ZNF583: variants seen among roughly 807,000 people sequenced by gnomAD.
ZNF583 encodes the protein zinc finger protein L3-5.
Under a neutral mutation model 55.3 loss-of-function variants are expected in ZNF583, and 30 were observed. The observed-to-expected ratio is 0.54, with a 90% CI of 0.41 to 0.74. ZNF583 has a LOEUF of 0.74. Ranked by LOEUF, ZNF583 falls within the 30% of genes least tolerant of loss-of-function variation. The pLI is 0.00. For missense variants in ZNF583, 504 were observed against 664.7 expected, an observed-to-expected ratio of 0.76 and a Z score of 2.66; for synonymous variants, 208 against 220.0, an observed-to-expected ratio of 0.95 and a Z score of 0.48.
chr19:56,417,337 C>CA (rs1446578123), intron 4 of ZNF583, among the ~76,000 whole-genome samples: 2 of 152,112 alleles, frequency 1.3e-5, no homozygotes, highest in Non-Finnish European at 2.9e-5. Context: ...ACATTCTCAC[C>CA]AAATCTTGGT....
intron 2 of ZNF583, among the ~76,000 whole-genome samples, 162 bp downstream of exon 2, chr19:56,407,285 A>G (rs556645274): frequency 6.6e-6 from 1 of 152,314 alleles, no homozygotes; most frequent in East Asian, 1.9e-4. Flanking sequence ...CCAAAAGCCT[A>G]GTTATCTTTT....
chr19:56,414,217 T>C (rs899138339), intron 3 of ZNF583, 128 bp from the exon 4 acceptor site: 9 of 1,508,220 alleles, frequency 6.0e-6, no homozygotes, highest in Admixed American at 5.3e-5. Flanking sequence ...ATTTGTAGAA[T>C]TGGCAGCTTC....
In ZNF583 at chr19:56,424,013, C is replaced by T. The variant is rs1476603526; in HGVS notation, c.1355C>T (p.Ala452Val). The change falls in exon 5 of 5, where the codon GCA (alanine) becomes GTA (valine). Residue 452 changes from alanine (A) to valine (V), a missense_variant. By Grantham distance (64) the Ala-to-Val change is moderately conservative (BLOSUM62 0). Coordinates refer to ENST00000333201, the MANE Select transcript of ZNF583 (RefSeq NM_152478.3). ...GCCTTTAGCAATAGTTCATCACTTG[C>T]ACAACATCAGAGAAGTCATACTGGA... ...GKAFSNSSSL[A>V]QHQRSHTGEK... is the part of the protein sequence containing the mutation. The T allele has an allele frequency of 1.9e-6, 3 of 1,613,986 alleles. No homozygotes were observed. Among genetic ancestry groups the T allele is most frequent in the East Asian group, 4.5e-5 (2 of 44,864 alleles).
Position 56,414,046 on chromosome 19 carries a change from A to G in ZNF583, c.97A>G (p.Lys33Glu). 1.2e-6 allele frequency: 2 copies of G among 1,608,006 alleles called. No individual in the cohort carries two copies. Among genetic ancestry groups the G allele is most frequent in the Non-Finnish European group, 1.7e-6 (2 of 1,177,650 alleles). Residue 33 changes from lysine to glutamate, a missense_variant, in exon 3 of 5, where the codon AAA (lysine) becomes GAA (glutamate). Transcript: ENST00000333201. Reference sequence around the variant, plus strand: ...CCCTGCTCAGAGGAATTTGTACAGGAAAGTGATGTTGGAGAACTACAGGAG... The same window carrying G: ...CCCTGCTCAGAGGAATTTGTACAGGGAAGTGATGTTGGAGAACTACAGGAG... ...LNPAQRNLYR[K>E]VMLENYRSLV...
chr19:56,422,947 G>A lies in ZNF583; in HGVS notation c.289G>A (p.Glu97Lys). The change falls in exon 5 of 5, where the codon GAA becomes AAA. Residue 97 changes from glutamate (E) to lysine (K), a missense_variant. By Grantham distance (56) the Glu-to-Lys change is moderately conservative (BLOSUM62 1). This residue lies in a region of ZNF583 where 204 missense variants were observed against 235.2 expected (regional missense o/e 0.87). Transcript: ENST00000333201. ...EFSSKQETYE[E>K]SSKVVTVGAR... ...TTCATCAAAGCAAGAGACATATGAAGAATCATCCAAAGTTGTGACAGTGGG... is the reference window on the plus strand; with the variant it reads ...TTCATCAAAGCAAGAGACATATGAAAAATCATCCAAAGTTGTGACAGTGGG... The A allele has an allele frequency of 6.2e-7, 1 of 1,613,294 alleles. No individual in the cohort carries two copies. The highest frequency in any genetic ancestry group is 8.5e-7 in the Non-Finnish European group (1 of 1,179,704).
At chr19:56,409,102 C>T (rs1470159503) in intron 2 of ZNF583, among the ~76,000 whole-genome samples, 2 of 152,168 alleles carry the variant, frequency 1.3e-5, no homozygotes, top group East Asian at 1.9e-4. Flanking sequence ...GCCTATCACT[C>T]TTAATCACCC....
Position 56,426,996 on chromosome 19 carries a change from A to G in ZNF583, c.*2628A>G, listed in dbSNP as rs1473981431. The G allele has an allele frequency of 6.6e-6, 1 of 152,122 alleles. No individual in the cohort carries two copies. Among genetic ancestry groups the G allele is most frequent in the African/African-American group, 2.4e-5 (1 of 41,422 alleles). The allele number at this position is 152,122 out of a possible 1,614,324, so 9.4% of individuals were successfully genotyped here. The stretch of plus-strand genomic sequence containing the variant: ...ATGAAATAATTTTGTAAAAGGCAAA[A>G]CAGGGAAGAGTGTTCATGAATTGTA... On this transcript the variant is annotated 3_prime_UTR_variant, in exon 5 of 5. Coordinates refer to ENST00000333201, the MANE Select transcript of ZNF583 (RefSeq NM_152478.3).
intron 4 of ZNF583, among the ~76,000 whole-genome samples, chr19:56,415,753 A>G (rs372852016): frequency 3.3e-5 from 5 of 151,982 alleles, no homozygotes; most frequent in East Asian, 3.9e-4. Flanking sequence ...TTAAGTAGAG[A>G]TGGGGTTTCA....
chr19:56,424,578 G>A lies in ZNF583; in HGVS notation c.*210G>A. On this transcript the variant is annotated 3_prime_UTR_variant, in exon 5 of 5. Coordinates refer to ENST00000333201, the MANE Select transcript of ZNF583 (RefSeq NM_152478.3). ...TTCTCCCTCATTAAAATCCCTCAGT[G>A]GCATCCCATGGTTTTTAAGTTAAAG... The A allele has an allele frequency of 2.1e-6, 1 of 482,550 alleles. No homozygotes were observed. Among genetic ancestry groups the A allele is most frequent in the Non-Finnish European group, 3.7e-6 (1 of 272,852 alleles). 29.9% of individuals were successfully genotyped at this position (482,550 alleles called of 1,614,324 possible).
At position 56,407,092 on chromosome 19, in the gene ZNF583, CA is replaced by C; in HGVS notation, c.-20del. 6.2e-7 allele frequency: 1 copy of C among 1,614,076 alleles called. No individual in the cohort carries two copies. Among genetic ancestry groups the C allele is most frequent in the Non-Finnish European group, 8.5e-7 (1 of 1,179,986 alleles). On this transcript the variant is annotated 5_prime_UTR_variant, in exon 2 of 5. Coordinates refer to ENST00000333201, the MANE Select transcript of ZNF583 (RefSeq NM_152478.3). ...TGAAGGAGTAGGACAGAAGAACTGT[CA>C]AATTCTGGAATCCTTAAAGCCATGT...
chr19:56,421,378 C>CT (rs1426951754), intron 4 of ZNF583: 4 of 746,000 alleles, frequency 5.4e-6, no homozygotes, highest in Non-Finnish European at 6.5e-6. Flanking sequence ...TTTCATATTT[C>CT]TTTTTTGACC....
intron 3 of ZNF583, 101 bp downstream of exon 3, chr19:56,414,186 G>T (rs1300391271): frequency 6.5e-7 from 1 of 1,528,790 alleles, no homozygotes; most frequent in African/African-American, 1.4e-5. Context: ...TCCTTTTCTT[G>T]TGCTTCCCAA....
chr19:56,426,982 T>C lies in ZNF583; in HGVS notation c.*2614T>C, dbSNP rs750122096. ...AGGCTTTTGAGTGGATGAAATAATT[T>C]TGTAAAAGGCAAAACAGGGAAGAGT... On this transcript the variant is annotated 3_prime_UTR_variant, in exon 5 of 5. Transcript: ENST00000333201. 6.6e-6 allele frequency: 1 copy of C among 150,584 alleles called. No homozygotes were observed. The highest frequency in any genetic ancestry group is 1.5e-5 in the Non-Finnish European group (1 of 67,842). 9.3% of individuals were successfully genotyped at this position (150,584 alleles called of 1,614,324 possible).
chr19:56,414,147 G>T, intron 3 of ZNF583, 62 bp downstream of exon 3: 1 of 1,548,560 alleles, frequency 6.5e-7, no homozygotes, highest in Admixed American at 2.0e-5. Flanking sequence ...TGTAATATTT[G>T]GGAAACCTCT....
At chr19:56,422,147 A>T (rs942354461) in intron 4 of ZNF583, among the ~76,000 whole-genome samples, 15 of 152,194 alleles carry the variant, frequency 9.9e-5, no homozygotes, top group African/African-American at 3.6e-4. Flanking sequence ...GTAGAGTTTC[A>T]TAAACCAAGG....
chr19:56,425,057 T>C lies in ZNF583; in HGVS notation c.*689T>C, dbSNP rs1324711269. ...AGGACTGAGAGATTGTGAAGTTTTTTTTTTTTTAGGAATGGTAGGCATTTT... is the reference window on the plus strand; with the variant it reads ...AGGACTGAGAGATTGTGAAGTTTTTCTTTTTTTAGGAATGGTAGGCATTTT... On this transcript the variant is annotated 3_prime_UTR_variant, in exon 5 of 5. Coordinates refer to ENST00000333201, the MANE Select transcript of ZNF583 (RefSeq NM_152478.3). The C allele has an allele frequency of 6.6e-6, 1 of 152,142 alleles. No individual in the cohort carries two copies. 9.4% of individuals were successfully genotyped at this position (152,142 alleles called of 1,614,324 possible). A position where few individuals can be genotyped will look rare whatever the true frequency, so the allele number is the denominator to read the frequency against.
Position 56,414,363 on chromosome 19 carries a change from C to T in ZNF583, c.155C>T (p.Pro52Leu). The part of the protein sequence containing the change: ...LVSLGVSVSK[P>L]DVISLLEQGK... ...TAAGCAGGAGTTTCTGTTTCTAAGC[C>T]AGATGTGATCTCATTATTGGAGCAA... The change falls in exon 4 of 5, where the codon CCA becomes CTA. Residue 52 changes from proline (P) to leucine (L), a missense_variant. Pro to Leu is a moderately conservative substitution (Grantham distance 98). This residue lies in a region of ZNF583 where 204 missense variants were observed against 235.2 expected (regional missense o/e 0.87). Coordinates refer to ENST00000333201, the MANE Select transcript of ZNF583 (RefSeq NM_152478.3). 1.2e-6 allele frequency: 2 copies of T among 1,614,052 alleles called. No individual in the cohort carries two copies. The highest frequency in any genetic ancestry group is 1.7e-6 in the Non-Finnish European group (2 of 1,180,012).
intron 2 of ZNF583, among the ~76,000 whole-genome samples, chr19:56,410,479 C>T (rs916862510): frequency 6.6e-6 from 1 of 151,954 alleles, no homozygotes; most frequent in Non-Finnish European, 1.5e-5. Flanking sequence ...GTGGGTGGAT[C>T]ATCTGAGGTC....
At position 56,424,624 on chromosome 19, in the gene ZNF583, C is replaced by G. The variant is rs1279199937; in HGVS notation, c.*256C>G. The G allele has an allele frequency of 1.6e-5, 6 of 379,922 alleles. No individual in the cohort carries two copies. Among genetic ancestry groups the G allele is most frequent in the Non-Finnish European group, 2.9e-5 (6 of 210,372 alleles). The allele number at this position is 379,922 out of a possible 1,614,324, so 23.5% of individuals were successfully genotyped here. ...TAAAGCACACATTCTTCAAAATAGC[C>G]TAAAAACCTAGCCTCTAACACCTTG... On this transcript the variant is annotated 3_prime_UTR_variant, in exon 5 of 5. Transcript: ENST00000333201.
Sources: gnomAD v4.1 joint callset for allele counts (sites outside exome capture counted in the v4.1 genomes callset) on GRCh38, gnomAD v4.1.1 for gene constraint, gnomAD v4.1.1 regional missense constraint, MANE v1.5 for transcripts, NCBI Gene and HGNC (gene_info 2026-07-23, HGNC 2026-07-21) for gene names.